ATG4C: variants seen among roughly 807,000 people sequenced by gnomAD.
ATG4C encodes the protein autophagy related 4C cysteine peptidase, also known as cysteine protease ATG4C.
ATG4C carries 56 observed loss-of-function variants against 57.6 expected under a neutral mutation model. The observed-to-expected ratio is 0.97, with a 90% CI of 0.78 to 1.21. The LOEUF (loss-of-function observed/expected upper bound fraction) is 1.21, where lower values mean the gene tolerates loss of function less well. ATG4C is among the 50% of genes most tolerant of loss of function. ATG4C has a pLI of 0.00. For missense variants in ATG4C, 595 were observed against 529.8 expected, an observed-to-expected ratio of 1.12 and a Z score of -1.21; for synonymous variants, 157 against 174.1, an observed-to-expected ratio of 0.90 and a Z score of 0.78.
intron 10 of ATG4C, among the ~76,000 whole-genome samples, chr1:62,853,228 A>ATT (rs993734233): frequency 1.3e-5 from 2 of 150,658 alleles, no homozygotes; most frequent in East Asian, 3.9e-4. Flanking sequence ...GCCAAATGAA[A>ATT]TTTTTTTTTT....
At chr1:62,816,188 A>G (rs1239073744) in intron 3 of ATG4C, among the ~76,000 whole-genome samples, 1 of 151,878 alleles carries the variant, frequency 6.6e-6, no homozygotes, top group Non-Finnish European at 1.5e-5. Context: ...TTTTTTCTTC[A>G]CTACTTTGAA....
intron 10 of ATG4C, among the ~76,000 whole-genome samples, chr1:62,860,634 C>G (rs1157208550): frequency 6.6e-6 from 1 of 152,182 alleles, no homozygotes; most frequent in African/African-American, 2.4e-5. Flanking sequence ...TATTACTGAA[C>G]AGTGTTACAT....
intron 10 of ATG4C, among the ~76,000 whole-genome samples, chr1:62,863,317 A>G (rs1381883118): frequency 1.3e-5 from 2 of 152,030 alleles, no homozygotes. Context: ...AGTTTATTTA[A>G]AATATTTTTT....
At chr1:62,811,399 A>G (rs1345401989) in intron 3 of ATG4C, among the ~76,000 whole-genome samples, 1 of 152,182 alleles carries the variant, frequency 6.6e-6, no homozygotes, top group Non-Finnish European at 1.5e-5. Flanking sequence ...TTTCCTTCTC[A>G]TTATATCGTG....
At chr1:62,802,502 C>T (rs1664714844) in intron 1 of ATG4C, among the ~76,000 whole-genome samples, 1 of 151,744 alleles carries the variant, frequency 6.6e-6, no homozygotes, top group African/African-American at 2.4e-5. Context: ...ACTTCCAGTC[C>T]CAAGCATTTT....
chr1:62,804,455 T>TG (rs1308068024), intron 2 of ATG4C, among the ~76,000 whole-genome samples: 1 of 152,088 alleles, frequency 6.6e-6, no homozygotes, highest in South Asian at 2.1e-4. Context: ...AATTTTTTTT[T>TG]TTTAGCGTTC....
At chr1:62,855,266 TCA>T (rs1666648173) in intron 10 of ATG4C, among the ~76,000 whole-genome samples, 1 of 152,170 alleles carries the variant, frequency 6.6e-6, no homozygotes. Context: ...CCTTCCTAAC[TCA>T]CAAACTTAGG....
intron 3 of ATG4C, among the ~76,000 whole-genome samples, chr1:62,811,904 T>C (rs1324757745): frequency 1.3e-5 from 2 of 152,158 alleles, no homozygotes; most frequent in South Asian, 2.1e-4. Flanking sequence ...ATAACAATGA[T>C]GAGAAAAAAA....
In ATG4C at chr1:62,848,733, T is replaced by C. The variant is rs115294357; in HGVS notation, c.1209+7186T>C. 7.3e-3 allele frequency among the ~76,000 whole-genome samples: 1,115 copies of C among 152,294 alleles called. 13 individuals carry two copies. Among genetic ancestry groups the C allele is most frequent in the African/African-American group, 0.025 (1,048 of 41,560 alleles). ...TATCAGAATCAGGAAAGTGGCATTG[T>C]ACATTATCACCATTTAATCCCCAAG... On this transcript the variant is annotated intron_variant, in intron 10 of 10. Coordinates refer to ENST00000317868, the MANE Select transcript of ATG4C (RefSeq NM_032852.4).
At chr1:62,862,379 G>C (rs1371215676) in intron 10 of ATG4C, among the ~76,000 whole-genome samples, 1 of 152,022 alleles carries the variant, frequency 6.6e-6, no homozygotes, top group East Asian at 1.9e-4. Context: ...TGTTAACTCT[G>C]CTGTGTTGAT....
chr1:62,813,639 A>C (rs1455864262), intron 3 of ATG4C, among the ~76,000 whole-genome samples: 1 of 152,232 alleles, frequency 6.6e-6, no homozygotes, highest in Non-Finnish European at 1.5e-5. Context: ...CAGCAAAAGA[A>C]ACTATCATCA....
At chr1:62,854,342 G>A (rs766971635) in intron 10 of ATG4C, among the ~76,000 whole-genome samples, 6 of 149,158 alleles carry the variant, frequency 4.0e-5, no homozygotes, top group Non-Finnish European at 8.9e-5. Context: ...GCAGTGGCGC[G>A]ATCTTGGTTC....
intron 9 of ATG4C, among the ~76,000 whole-genome samples, chr1:62,840,832 TCACCTGTTC>T (rs1377096689): frequency 6.6e-6 from 1 of 152,194 alleles, no homozygotes; most frequent in Non-Finnish European, 1.5e-5. Context: ...TGGAATGGTT[TCACCTGTTC>T]CAGCCTGTTC....
rs879762858 is a variant in ATG4C at position 62,854,956 on chromosome 1, G to A, written c.1210-9036G>A. 2.0e-5 allele frequency among the ~76,000 whole-genome samples: 3 copies of A among 152,014 alleles called. No individual in the cohort carries two copies. In the East Asian group the frequency reaches 5.8e-4, roughly 29 times the overall value. ...TTTTAGACTGACACTTAATTATTCA[G>A]CTTCTGAAGTCATCACTGTGTCTGG... is the stretch of plus-strand genomic sequence containing the variant. On this transcript the variant is annotated intron_variant, in intron 10 of 10. Transcript: ENST00000317868.
intron 1 of ATG4C, among the ~76,000 whole-genome samples, chr1:62,799,952 C>T (rs537213122): frequency 6.6e-6 from 1 of 151,958 alleles, no homozygotes; most frequent in Non-Finnish European, 1.5e-5. Flanking sequence ...TGGTAACCAT[C>T]CTTCCACTCT....
chr1:62,789,840 G>A (rs969491344), intron 1 of ATG4C, among the ~76,000 whole-genome samples: 12 of 151,892 alleles, frequency 7.9e-5, no homozygotes, highest in African/African-American at 2.4e-4. Flanking sequence ...TAAAAGAAAT[G>A]AAGATCTGGG....
intron 1 of ATG4C, among the ~76,000 whole-genome samples, chr1:62,786,593 T>A (rs1664092724): frequency 6.6e-6 from 1 of 152,092 alleles, no homozygotes; most frequent in African/African-American, 2.4e-5. Context: ...ATAAAGCACT[T>A]TATTTTTATT....
chr1:62,806,049 A>G (rs2100298999), intron 3 of ATG4C, among the ~76,000 whole-genome samples: 1 of 152,310 alleles, frequency 6.6e-6, no homozygotes, highest in South Asian at 2.1e-4. Context: ...CAATTTTCTA[A>G]AACCTGTAAA....
At chr1:62,842,301 ATT>A (rs71045857) in intron 10 of ATG4C, among the ~76,000 whole-genome samples, 6 of 139,516 alleles carry the variant, frequency 4.3e-5, no homozygotes, top group Admixed American at 1.5e-4. Context: ...ATTTTTGGGA[ATT>A]TTTTTTTTTT....
Sources: gnomAD v4.1 joint callset for allele counts (sites outside exome capture counted in the v4.1 genomes callset) on GRCh38, gnomAD v4.1.1 for gene constraint, MANE v1.5 for transcripts, NCBI Gene and HGNC (gene_info 2026-07-23, HGNC 2026-07-21) for gene names.